PLS1: variants seen among roughly 807,000 people sequenced by gnomAD.
PLS1 encodes the protein plastin-1.
In PLS1, 32 loss-of-function variants were observed where a neutral mutation model predicts 73.7. That is an observed-to-expected ratio of 0.43 (90% CI 0.33 to 0.58). The LOEUF (loss-of-function observed/expected upper bound fraction) is 0.58. Ranked by LOEUF, PLS1 falls within the 20% of genes least tolerant of loss-of-function variation. PLS1 has a pLI of 0.04. For missense variants in PLS1, 633 were observed against 740.5 expected (o/e 0.85, Z 1.68); for synonymous variants, 217 against 261.3 (o/e 0.83, Z 1.63).
chr3:142,671,789 T>C (rs1320178248), intron 4 of PLS1, among the ~76,000 whole-genome samples: 1 of 152,238 alleles, frequency 6.6e-6, no homozygotes, highest in Non-Finnish European at 1.5e-5. Flanking sequence ...TTTTTGGCCT[T>C]TTGACAAAAT....
At chr3:142,680,581 A>T (rs1022020546) in intron 6 of PLS1, among the ~76,000 whole-genome samples, 44 of 152,182 alleles carry the variant, frequency 2.9e-4, no homozygotes, top group Non-Finnish European at 5.7e-4. Context: ...AAAATTTTAA[A>T]CTAATCTTTT....
chr3:142,700,089 G>T (rs1223086209), intron 12 of PLS1, among the ~76,000 whole-genome samples: 1 of 152,062 alleles, frequency 6.6e-6, no homozygotes, highest in African/African-American at 2.4e-5. Context: ...TGTCACAAAT[G>T]AATCATATGC....
At chr3:142,600,896 ATATATATATATATATATATATTTTT>A (rs1349774086) in intron 1 of PLS1, among the ~76,000 whole-genome samples, 4 of 26,904 alleles carry the variant, frequency 1.5e-4, no homozygotes, top group South Asian at 1.4e-3. Context: ...ATATATATAT[ATATATATATATATATATATATTTTT>A]TTTTTTTTTT....
intron 5 of PLS1, 63 bp from the exon 6 acceptor site, chr3:142,677,969 G>A: frequency 1.4e-6 from 1 of 724,200 alleles, no homozygotes; most frequent in Non-Finnish European, 2.3e-6. Flanking sequence ...TTGGCTGTTT[G>A]CAATAATAAA....
chr3:142,657,550 C>T (rs999095412), intron 1 of PLS1, among the ~76,000 whole-genome samples: 1 of 152,154 alleles, frequency 6.6e-6, no homozygotes, highest in African/African-American at 2.4e-5. Context: ...TACAGTGGCG[C>T]GATCTCTGCT....
intron 1 of PLS1, among the ~76,000 whole-genome samples, chr3:142,639,234 G>A (rs887040297): frequency 2.0e-4 from 31 of 152,148 alleles, no homozygotes; most frequent in African/African-American, 7.5e-4. Flanking sequence ...GTTCAGGGCT[G>A]TCATTTCTCT....
At chr3:142,658,331 C>T (rs1334533028) in intron 1 of PLS1, among the ~76,000 whole-genome samples, 2 of 151,944 alleles carry the variant, frequency 1.3e-5, no homozygotes, top group Non-Finnish European at 2.9e-5. Flanking sequence ...AAAAAATTAG[C>T]CAGATGTGGT....
chr3:142,693,591 T>C (rs1407746089), intron 10 of PLS1, among the ~76,000 whole-genome samples: 2 of 152,160 alleles, frequency 1.3e-5, no homozygotes, highest in African/African-American at 4.8e-5. Context: ...CAAATAATCA[T>C]GATAGTTACT....
intron 1 of PLS1, among the ~76,000 whole-genome samples, chr3:142,652,585 C>T (rs1444552781): frequency 1.3e-5 from 2 of 152,102 alleles, no homozygotes; most frequent in African/African-American, 2.4e-5. Flanking sequence ...GAGTAGGAGG[C>T]GGGGGAACCA....
chr3:142,630,938 AACACAC>A (rs140962182), intron 1 of PLS1, among the ~76,000 whole-genome samples: 24 of 137,452 alleles, frequency 1.7e-4, no homozygotes, highest in Non-Finnish European at 1.8e-4. Flanking sequence ...CATGTAAATA[AACACAC>A]ACACACACAC....
chr3:142,692,077 C>G (rs1047877575), intron 10 of PLS1, among the ~76,000 whole-genome samples: 8 of 151,914 alleles, frequency 5.3e-5, no homozygotes, highest in Non-Finnish European at 1.0e-4. Context: ...AGTTACAGAG[C>G]AAGCTAAATG....
chr3:142,708,691 C>A (rs1213826817), intron 14 of PLS1, among the ~76,000 whole-genome samples: 5 of 152,142 alleles, frequency 3.3e-5, no homozygotes, highest in Non-Finnish European at 5.9e-5. Context: ...TTGCCGAAGT[C>A]ATTTCTTTAT....
rs894603099 is a variant in PLS1 at position 142,713,071 on chromosome 3, A to G, written c.*1064A>G. The G allele has an allele frequency of 2.0e-5, 3 of 152,488 alleles. No homozygotes were observed. Among genetic ancestry groups the G allele is most frequent in the Admixed American group, 6.5e-5 (1 of 15,282 alleles). The allele number at this position is 152,488 out of a possible 1,614,324, so 9.4% of individuals were successfully genotyped here. A position where few individuals can be genotyped will look rare whatever the true frequency, so the allele number is the denominator to read the frequency against. ...GAATATCTTTAATAGAAAGTAACAT[A>G]AAGCTAGTATTCAATGTAGAGTATT... On this transcript the variant is annotated 3_prime_UTR_variant, in exon 16 of 16. Transcript: ENST00000457734.
intron 6 of PLS1, among the ~76,000 whole-genome samples, chr3:142,682,902 A>G (rs911289840): frequency 1.3e-5 from 2 of 152,310 alleles, no homozygotes; most frequent in Admixed American, 1.3e-4. Flanking sequence ...TGAGGTTATA[A>G]AAATATTGAA....
At chr3:142,698,597 T>C (rs181026023) in intron 12 of PLS1, among the ~76,000 whole-genome samples, 28 of 152,172 alleles carry the variant, frequency 1.8e-4, no homozygotes, top group African/African-American at 6.5e-4. Flanking sequence ...GAAATAGTAA[T>C]AGCAAAATGG....
chr3:142,695,274 C>G (rs2038170790), intron 11 of PLS1, among the ~76,000 whole-genome samples: 1 of 152,104 alleles, frequency 6.6e-6, no homozygotes. Flanking sequence ...TTATGATTAA[C>G]TCCTTAAAGA....
chr3:142,608,536 T>G (rs1262743378), intron 1 of PLS1, among the ~76,000 whole-genome samples: 1 of 152,138 alleles, frequency 6.6e-6, no homozygotes, highest in African/African-American at 2.4e-5. Context: ...GGCTGTGTCA[T>G]TTGGTCTGAG....
chr3:142,668,693 C>G (rs1245546560), intron 2 of PLS1, among the ~76,000 whole-genome samples: 2 of 151,758 alleles, frequency 1.3e-5, no homozygotes, highest in Non-Finnish European at 2.9e-5. Flanking sequence ...CTTCTGCCTC[C>G]TAGGTTCAAG....
At chr3:142,670,232 A>G (rs2107842258) in intron 3 of PLS1, among the ~76,000 whole-genome samples, 1 of 152,328 alleles carries the variant, frequency 6.6e-6, no homozygotes, top group South Asian at 2.1e-4. Context: ...TGAATAATGT[A>G]GGAGGCAGGT....
Sources: gnomAD v4.1 joint callset for allele counts (sites outside exome capture counted in the v4.1 genomes callset) on GRCh38, gnomAD v4.1.1 for gene constraint, MANE v1.5 for transcripts, NCBI Gene and HGNC (gene_info 2026-07-23, HGNC 2026-07-21) for gene names.